The following DSG1 variants were observed in gnomAD, a reference collection of about 807,000 sequenced individuals.
DSG1 encodes desmoglein-1.
Under a neutral mutation model 97.5 loss-of-function variants are expected in DSG1, and 39 were observed. The ratio of observed to expected loss-of-function variants is 0.40; its 90% CI spans 0.31 to 0.52. The LOEUF (loss-of-function observed/expected upper bound fraction) is 0.52, where lower values mean the gene tolerates loss of function less well. DSG1 is among the 20% of genes least tolerant of loss of function. The pLI, the probability that DSG1 is intolerant of heterozygous loss-of-function variation, is 0.53. For missense variants in DSG1, 1,311 were observed against 1,295.4 expected (o/e 1.01, Z -0.18); for synonymous variants, 475 against 443.4 (o/e 1.07, Z -0.90).
chr18:31,336,664 A>C (rs2071756369), intron 9 of DSG1, 51 bp downstream of exon 9: 1 of 1,571,216 alleles, frequency 6.4e-7, no homozygotes. Flanking sequence ...ACTTAAGTAC[A>C]TATGTTCTTT....
chr18:31,351,659 T>C (rs1217312790), intron 14 of DSG1, among the ~76,000 whole-genome samples: 1 of 151,578 alleles, frequency 6.6e-6, no homozygotes, highest in Non-Finnish European at 1.5e-5. Context: ...GCTCCTGTAT[T>C]GGGTGCATAT....
intron 14 of DSG1, among the ~76,000 whole-genome samples, chr18:31,346,883 G>A (rs898912640): frequency 6.6e-6 from 1 of 152,196 alleles, no homozygotes; most frequent in Non-Finnish European, 1.5e-5. Flanking sequence ...AATAGTTAAT[G>A]AGAGTGGGGT....
At position 31,358,982 on chromosome 18, in the gene DSG1, A is replaced by C. The variant is rs548897450; in HGVS notation, c.*3636A>C. On this transcript the variant is annotated 3_prime_UTR_variant, in exon 15 of 15. Transcript: ENST00000257192. ...TTTGTCTACATTCTCTCCCCAGTTT[A>C]GCTGTATTTGAATTACTAAATGCTT... Among the ~76,000 whole-genome samples the C allele has an allele frequency of 3.3e-5, 5 of 152,262 alleles. No individual in the cohort carries two copies. Among genetic ancestry groups the C allele is most frequent in the Admixed American group, 2.0e-4 (3 of 15,298 alleles).
chr18:31,335,117 C>G (rs2071743895), intron 8 of DSG1, among the ~76,000 whole-genome samples: 1 of 152,114 alleles, frequency 6.6e-6, no homozygotes, highest in Non-Finnish European at 1.5e-5. Context: ...AAAGTGTCAC[C>G]ATGCCTACAG....
chr18:31,323,047 T>C (rs1489821444), intron 1 of DSG1, among the ~76,000 whole-genome samples: 3 of 152,180 alleles, frequency 2.0e-5, no homozygotes, highest in African/African-American at 7.2e-5. Context: ...TATTTACTGT[T>C]TTCATAGAAT....
At chr18:31,339,465 A>G (rs1362186780) in intron 10 of DSG1, among the ~76,000 whole-genome samples, 1 of 152,022 alleles carries the variant, frequency 6.6e-6, no homozygotes, top group Non-Finnish European at 1.5e-5. Flanking sequence ...GTAATTCTAT[A>G]CTTTTCAAAT....
chr18:31,354,222 C>A, intron 14 of DSG1, 75 bp from the exon 15 acceptor site: 3 of 1,332,312 alleles, frequency 2.3e-6, no homozygotes, highest in Admixed American at 3.5e-5. Flanking sequence ...GGAAGAAAAA[C>A]TAATGATAAA....
intron 14 of DSG1, among the ~76,000 whole-genome samples, chr18:31,353,703 G>A (rs917889780): frequency 1.7e-4 from 25 of 150,366 alleles, no homozygotes; most frequent in Non-Finnish European, 2.8e-4. Context: ...TCGGAAAAGC[G>A]CAGTATTCGG....
Position 31,334,161 on chromosome 18 carries a change from A to G in DSG1, c.964A>G (p.Met322Val). 1 of 1,607,924 alleles carries G rather than the reference A, an allele frequency of 6.2e-7. No homozygotes were observed. The highest frequency in any genetic ancestry group is 8.5e-7 in the Non-Finnish European group (1 of 1,174,656). ...TGAAGGAAATTGGTTTGAGATAGAAATGAATGAAAGAACAAATGTGGGAAT... is the reference window on the plus strand; with the variant it reads ...TGAAGGAAATTGGTTTGAGATAGAAGTGAATGAAAGAACAAATGTGGGAAT... ...GNEGNWFEIE[M>V]NERTNVGILK... The change falls in exon 8 of 15, where the codon ATG (methionine) becomes GTG (valine). Residue 322 changes from methionine (M) to valine (V), a missense_variant. Met to Val is a conservative substitution (Grantham distance 21, BLOSUM62 1). This residue lies in a region of DSG1 where 1,038 missense variants were observed against 964.6 expected (regional missense o/e 1.08). Coordinates refer to ENST00000257192, the MANE Select transcript of DSG1 (RefSeq NM_001942.4).
Position 31,318,235 on chromosome 18 carries a change from A to C in DSG1, c.-66A>C, listed in dbSNP as rs1015244701. The C allele has an allele frequency of 3.6e-6, 5 of 1,383,496 alleles. No individual in the cohort carries two copies. The African/African-American group carries it at 5.7e-5, about 16-fold the overall frequency. The allele number at this position is 1,383,496 out of a possible 1,614,324, so 85.7% of individuals were successfully genotyped here. A position where few individuals can be genotyped will look rare whatever the true frequency, so the allele number is the denominator to read the frequency against. On this transcript the variant is annotated 5_prime_UTR_variant, in exon 1 of 15. Coordinates refer to ENST00000257192, the MANE Select transcript of DSG1 (RefSeq NM_001942.4). ...AATCAGACACCAGCTGAGTGGGAGA[A>C]AGAAAAAGAACAGAGAAGAACAAAC...
chr18:31,334,573 A>C (rs1023255758), intron 8 of DSG1, among the ~76,000 whole-genome samples: 7 of 152,220 alleles, frequency 4.6e-5, no homozygotes, highest in African/African-American at 1.7e-4. Flanking sequence ...TGTCCATGTC[A>C]ACATTGTAAG....
intron 1 of DSG1, among the ~76,000 whole-genome samples, chr18:31,321,069 T>C (rs9959406): frequency 0.37 from 56,549 of 151,718 alleles, 12,360 homozygotes; most frequent in Non-Finnish European, 0.49. Flanking sequence ...ATTTTCCCCC[T>C]CTTTCTATGG....
intron 3 of DSG1, among the ~76,000 whole-genome samples, chr18:31,327,228 C>T (rs1007701167): frequency 6.6e-6 from 1 of 152,080 alleles, no homozygotes; most frequent in African/African-American, 2.4e-5. Flanking sequence ...TGGTGAAATG[C>T]ATACACATGA....
chr18:31,321,161 C>G (rs9947296), intron 1 of DSG1, among the ~76,000 whole-genome samples: 1 of 151,616 alleles, frequency 6.6e-6, no homozygotes. Context: ...CAGTTTGAAC[C>G]GAACTGAAAT....
chr18:31,334,241 C>A (rs2071738459), intron 8 of DSG1, 39 bp downstream of exon 8: 1 of 1,402,052 alleles, frequency 7.1e-7, no homozygotes, highest in Non-Finnish European at 1.0e-6. Context: ...TTTTCTTAAT[C>A]TTTTTTCAAA....
At chr18:31,329,629 A>G (rs970772451) in intron 4 of DSG1, among the ~76,000 whole-genome samples, 10 of 151,886 alleles carry the variant, frequency 6.6e-5, no homozygotes, top group Non-Finnish European at 1.2e-4. Context: ...AAAATAGTAC[A>G]CATTACACTT....
At chr18:31,344,026 A>C in intron 13 of DSG1, 31 bp downstream of exon 13, 1 of 1,432,528 alleles carries the variant, frequency 7.0e-7, no homozygotes, top group Non-Finnish European at 9.8e-7. Context: ...TAACATCTCA[A>C]ATGCTTAAGT....
chr18:31,339,623 G>C (rs1366492055), intron 10 of DSG1, 121 bp from the exon 11 acceptor site: 5 of 672,422 alleles, frequency 7.4e-6, no homozygotes, highest in African/African-American at 1.8e-5. Flanking sequence ...TTTCAAGTTA[G>C]GAGAAATTAT....
intron 8 of DSG1, among the ~76,000 whole-genome samples, chr18:31,335,464 T>C (rs1365029649): frequency 4.6e-5 from 7 of 152,062 alleles, no homozygotes; most frequent in Non-Finnish European, 1.5e-5. Flanking sequence ...ATGGGAATGA[T>C]AATTGTTTGC....
Sources: gnomAD v4.1 joint callset for allele counts (sites outside exome capture counted in the v4.1 genomes callset) on GRCh38, gnomAD v4.1.1 for gene constraint, gnomAD v4.1.1 regional missense constraint, MANE v1.5 for transcripts, NCBI Gene and HGNC (gene_info 2026-07-23, HGNC 2026-07-21) for gene names.